CDH9: variants seen among roughly 807,000 people sequenced by gnomAD.
CDH9 encodes the protein cadherin-9.
In CDH9, 28 loss-of-function variants were observed where a neutral mutation model predicts 70.9. That is an observed-to-expected ratio of 0.40 (90% CI 0.29 to 0.54). The LOEUF (loss-of-function observed/expected upper bound fraction) is 0.54, where lower values mean the gene tolerates loss of function less well. Ranked by LOEUF, CDH9 falls within the 20% of genes least tolerant of loss-of-function variation. CDH9 has a pLI of 0.59. For synonymous variants in CDH9, 409 were observed against 343.1 expected, an observed-to-expected ratio of 1.19 and a Z score of -2.12; for missense variants, 874 against 984.4, an observed-to-expected ratio of 0.89 and a Z score of 1.50.
chr5:26,918,940 T>C (rs547600042), intron 2 of CDH9, among the ~76,000 whole-genome samples: 70 of 152,272 alleles, frequency 4.6e-4, no homozygotes, highest in African/African-American at 1.6e-3. Context: ...TATGTGTCTC[T>C]GGAGAATCCA....
chr5:26,883,289 A>G (rs922100902), intron 11 of CDH9, among the ~76,000 whole-genome samples: 2 of 151,420 alleles, frequency 1.3e-5, no homozygotes, highest in Admixed American at 6.6e-5. Flanking sequence ...TTGTGTAGTC[A>G]AATTGTATTA....
At chr5:27,010,071 A>G (rs952327769) in intron 1 of CDH9, among the ~76,000 whole-genome samples, 17 of 152,134 alleles carry the variant, frequency 1.1e-4, no homozygotes, top group African/African-American at 3.9e-4. Context: ...ATGAACAGCC[A>G]TTCACTTGAT....
chr5:26,918,655 C>T (rs1016179847), intron 2 of CDH9, among the ~76,000 whole-genome samples: 1 of 152,162 alleles, frequency 6.6e-6, no homozygotes, highest in East Asian at 1.9e-4. Flanking sequence ...TAAACAATCC[C>T]TTAAAGTCCT....
intron 1 of CDH9, among the ~76,000 whole-genome samples, chr5:26,998,623 T>C (rs938087221): frequency 6.6e-6 from 1 of 152,016 alleles, no homozygotes; most frequent in Admixed American, 6.6e-5. Context: ...GAGATATACT[T>C]AATGTTAAAT....
chr5:26,939,916 G>A (rs1460782472), intron 2 of CDH9, among the ~76,000 whole-genome samples: 1 of 152,062 alleles, frequency 6.6e-6, no homozygotes, highest in Non-Finnish European at 1.5e-5. Context: ...TTGGGAGGCT[G>A]AGGCGACTGG....
At chr5:26,958,317 G>A (rs1406657911) in intron 2 of CDH9, among the ~76,000 whole-genome samples, 1 of 152,128 alleles carries the variant, frequency 6.6e-6, no homozygotes, top group Non-Finnish European at 1.5e-5. Flanking sequence ...GAAAGAGACG[G>A]TTTGTATCCA....
chr5:27,029,675 A>G (rs1380434278), intron 1 of CDH9, among the ~76,000 whole-genome samples: 2 of 151,974 alleles, frequency 1.3e-5, no homozygotes, highest in African/African-American at 4.8e-5. Context: ...TAATGGATGG[A>G]TGAATAAATT....
At chr5:26,968,734 G>A (rs977662008) in intron 2 of CDH9, among the ~76,000 whole-genome samples, 5 of 152,122 alleles carry the variant, frequency 3.3e-5, no homozygotes, top group African/African-American at 1.2e-4. Context: ...TCTTTGGCAA[G>A]GGAAGCTTCT....
intron 2 of CDH9, among the ~76,000 whole-genome samples, chr5:26,966,846 GTCTA>G (rs1168761774): frequency 6.6e-6 from 1 of 152,104 alleles, no homozygotes; most frequent in Non-Finnish European, 1.5e-5. Flanking sequence ...TCAGTGGTCA[GTCTA>G]TCTTCTATTG....
At chr5:26,932,874 T>C (rs1741487609) in intron 2 of CDH9, among the ~76,000 whole-genome samples, 1 of 151,486 alleles carries the variant, frequency 6.6e-6, no homozygotes, top group East Asian at 1.9e-4. Context: ...CTAGGTATAA[T>C]TGAGCTTTGT....
chr5:27,023,823 C>T (rs948422662), intron 1 of CDH9, among the ~76,000 whole-genome samples: 18 of 151,532 alleles, frequency 1.2e-4, no homozygotes, highest in African/African-American at 4.1e-4. Flanking sequence ...AGGCTGAGGC[C>T]AGCGGATCAC....
chr5:26,913,203 C>A (rs1289874275), intron 3 of CDH9, among the ~76,000 whole-genome samples: 1 of 151,982 alleles, frequency 6.6e-6, no homozygotes, highest in Non-Finnish European at 1.5e-5. Flanking sequence ...CAGTTTAATT[C>A]TTCTGGGCTC....
At chr5:26,886,668 A>T (rs1740572080) in intron 9 of CDH9, among the ~76,000 whole-genome samples, 1 of 152,190 alleles carries the variant, frequency 6.6e-6, no homozygotes, top group South Asian at 2.1e-4. Flanking sequence ...TTCCTTTAAC[A>T]GTATTTGCAA....
At chr5:26,939,175 A>T (rs1387098220) in intron 2 of CDH9, among the ~76,000 whole-genome samples, 3 of 151,734 alleles carry the variant, frequency 2.0e-5, no homozygotes, top group African/African-American at 7.2e-5. Context: ...AAGTCTAATG[A>T]TTATTTTTAA....
At chr5:26,992,209 T>C (rs1742589424) in intron 1 of CDH9, among the ~76,000 whole-genome samples, 1 of 152,126 alleles carries the variant, frequency 6.6e-6, no homozygotes, top group African/African-American at 2.4e-5. Context: ...TGCCTGCTGC[T>C]CACCTCCTGC....
intron 1 of CDH9, among the ~76,000 whole-genome samples, chr5:27,027,640 G>A (rs986318970): frequency 1.3e-5 from 2 of 151,970 alleles, no homozygotes; most frequent in African/African-American, 4.8e-5. Context: ...CTGGCTCCAG[G>A]ACTCTACCTG....
chr5:26,911,278 C>T (rs992097815), intron 3 of CDH9, among the ~76,000 whole-genome samples: 6 of 152,074 alleles, frequency 3.9e-5, no homozygotes, highest in African/African-American at 1.4e-4. Flanking sequence ...TGTGATAGAG[C>T]TGGACTAGGT....
At chr5:26,941,833 T>G (rs890248422) in intron 2 of CDH9, among the ~76,000 whole-genome samples, 1 of 152,170 alleles carries the variant, frequency 6.6e-6, no homozygotes, top group Non-Finnish European at 1.5e-5. Context: ...GAATAGGAAT[T>G]TATTTCTTAC....
intron 2 of CDH9, among the ~76,000 whole-genome samples, chr5:26,924,791 G>A (rs915293286): frequency 3.3e-5 from 5 of 152,064 alleles, no homozygotes; most frequent in Non-Finnish European, 7.4e-5. Flanking sequence ...CTATAAGTGA[G>A]AACATGCAGT....
Sources: allele counts gnomAD v4.1 joint callset (sites outside exome capture counted in the v4.1 genomes callset), GRCh38; gene constraint gnomAD v4.1.1; transcripts MANE v1.5; gene names NCBI Gene and HGNC (gene_info 2026-07-23, HGNC 2026-07-21).